The following CAMK1D variants were observed in gnomAD, a reference collection of about 807,000 sequenced individuals.
CAMK1D encodes calcium/calmodulin dependent protein kinase ID.
A neutral mutation model predicts 47.7 loss-of-function variants in CAMK1D; 9 were observed. The observed-to-expected ratio is 0.19, with a 90% confidence interval of 0.11 to 0.33. CAMK1D has a LOEUF of 0.33. Among genes scored for constraint, CAMK1D ranks in the 10% least tolerant of loss-of-function variants. The pLI is 1.00. For missense variants in CAMK1D, 291 were observed against 488.7 expected, an observed-to-expected ratio of 0.60 and a Z score of 3.81; for synonymous variants, 184 against 184.9, an observed-to-expected ratio of 0.99 and a Z score of 0.04.
At chr10:12,813,943 ATTT>A (rs113993296) in intron 6 of CAMK1D, among the ~76,000 whole-genome samples, 1 of 125,472 alleles carries the variant, frequency 8.0e-6, no homozygotes, top group Admixed American at 8.0e-5. Context: ...ATGTCAGCTG[ATTT>A]TTTTTTTTTT....
At chr10:12,624,663 C>G (rs149784499) in intron 2 of CAMK1D, among the ~76,000 whole-genome samples, 10 of 152,318 alleles carry the variant, frequency 6.6e-5, no homozygotes, top group African/African-American at 2.4e-4. Flanking sequence ...TGTTACACCT[C>G]TTGGCTACTG....
Position 12,815,710 on chromosome 10 carries a change from C to T in CAMK1D, c.755-540C>T, listed in dbSNP as rs561076924. ...GGCTGCCAACTACTCCCCCACTTCC[C>T]CCAGCAGGGCACAGCTCACTGCATT... On this transcript the variant is annotated intron_variant, in intron 7 of 10. Coordinates refer to ENST00000619168, the MANE Select transcript of CAMK1D (RefSeq NM_153498.4). 8.5e-5 allele frequency among the ~76,000 whole-genome samples: 13 copies of T among 152,372 alleles called. No homozygotes were observed. The East Asian group carries it at 2.5e-3, about 29-fold the overall frequency.
chr10:12,586,946 T>A (rs1837836439), intron 2 of CAMK1D, among the ~76,000 whole-genome samples: 1 of 152,172 alleles, frequency 6.6e-6, no homozygotes, highest in Non-Finnish European at 1.5e-5. Context: ...TTGCTTCTCC[T>A]GCTGATAAGG....
At chr10:12,716,337 T>C (rs932542106) in intron 3 of CAMK1D, among the ~76,000 whole-genome samples, 3 of 152,088 alleles carry the variant, frequency 2.0e-5, no homozygotes, top group Non-Finnish European at 2.9e-5. Context: ...CTCCAAACAT[T>C]GTCATATGTC....
chr10:12,368,053 G>A (rs999008907), intron 1 of CAMK1D, among the ~76,000 whole-genome samples: 1 of 152,232 alleles, frequency 6.6e-6, no homozygotes, highest in African/African-American at 2.4e-5. Context: ...TTAGCCGGGC[G>A]CGGTGGCGGG....
At chr10:12,583,150 A>G (rs1276246461) in intron 2 of CAMK1D, among the ~76,000 whole-genome samples, 1 of 152,138 alleles carries the variant, frequency 6.6e-6, no homozygotes, top group Non-Finnish European at 1.5e-5. Flanking sequence ...AAGATTATCT[A>G]GTATTGGAAT....
intron 2 of CAMK1D, among the ~76,000 whole-genome samples, chr10:12,587,679 C>T (rs920350818): frequency 6.6e-6 from 1 of 152,110 alleles, no homozygotes; most frequent in South Asian, 2.1e-4. Context: ...GATGGAGTGG[C>T]TCATGCAGGC....
chr10:12,657,229 A>T (rs964281078), intron 2 of CAMK1D, among the ~76,000 whole-genome samples: 2 of 152,156 alleles, frequency 1.3e-5, no homozygotes, highest in Admixed American at 6.5e-5. Flanking sequence ...GATCGAGACC[A>T]TCCTGGCCAA....
chr10:12,389,409 A>G (rs1048239803), intron 1 of CAMK1D, among the ~76,000 whole-genome samples: 1 of 152,162 alleles, frequency 6.6e-6, no homozygotes, highest in East Asian at 1.9e-4. Flanking sequence ...AGGTGTCTTC[A>G]GGCTTCAAGG....
At chr10:12,696,427 C>T (rs997080529) in intron 3 of CAMK1D, among the ~76,000 whole-genome samples, 3 of 152,098 alleles carry the variant, frequency 2.0e-5, no homozygotes, top group Non-Finnish European at 4.4e-5. Flanking sequence ...ATCCCAGCTA[C>T]TCAGGAGCCT....
At chr10:12,387,354 T>A (rs1346814833) in intron 1 of CAMK1D, among the ~76,000 whole-genome samples, 8 of 111,384 alleles carry the variant, frequency 7.2e-5, no homozygotes, top group South Asian at 2.9e-4. Flanking sequence ...ATATTATATT[T>A]TATATATATA....
At chr10:12,796,110 A>G (rs569444415) in intron 6 of CAMK1D, among the ~76,000 whole-genome samples, 1 of 152,288 alleles carries the variant, frequency 6.6e-6, no homozygotes, top group South Asian at 2.1e-4. Flanking sequence ...TTTTTAAATG[A>G]TTATTTAACG....
intron 2 of CAMK1D, among the ~76,000 whole-genome samples, chr10:12,571,886 T>G (rs181017020): frequency 1.1e-3 from 154 of 145,914 alleles, no homozygotes; most frequent in Admixed American, 2.5e-3. Context: ...CAACAGGTAT[T>G]CCCTTCCCTC....
chr10:12,643,053 G>C (rs978717452), intron 2 of CAMK1D, among the ~76,000 whole-genome samples: 2 of 152,134 alleles, frequency 1.3e-5, no homozygotes, highest in Non-Finnish European at 2.9e-5. Context: ...CTGGGCTGGA[G>C]TGCAGTGGCG....
At chr10:12,376,412 T>C (rs763718057) in intron 1 of CAMK1D, among the ~76,000 whole-genome samples, 6 of 152,164 alleles carry the variant, frequency 3.9e-5, no homozygotes, top group African/African-American at 7.2e-5. Context: ...AAGGCTGTGC[T>C]GACCGAGATG....
intron 3 of CAMK1D, among the ~76,000 whole-genome samples, chr10:12,670,152 C>T (rs1257776895): frequency 2.6e-5 from 3 of 113,496 alleles, no homozygotes; most frequent in African/African-American, 3.4e-5. Flanking sequence ...TTTTGGCCAG[C>T]GGTATGTGTC....
rs373486934 is a variant in CAMK1D, at chr10:12,749,562, G to T, written c.300-11386G>T. On this transcript the variant is annotated intron_variant, in intron 3 of 10. Transcript: ENST00000619168. ...TTGTTTGTTTGTTTTTTGTTTGTTT[G>T]TTTGTTTGTTTGTTTTGATGAAGTC... Among the ~76,000 whole-genome samples the T allele has an allele frequency of 1.4e-3, 148 of 108,690 alleles. 1 individual carries two copies. The highest frequency in any genetic ancestry group is 7.4e-3 in the East Asian group (20 of 2,718). The allele number at this position is 108,690 out of a possible 152,430, so 71.3% of individuals were successfully genotyped here.
intron 2 of CAMK1D, among the ~76,000 whole-genome samples, chr10:12,606,597 C>T (rs571236359): frequency 1.1e-4 from 16 of 152,122 alleles, no homozygotes; most frequent in Non-Finnish European, 1.5e-4. Context: ...TTGCCCCATG[C>T]CTAGAACCAG....
chr10:12,695,232 A>C (rs1833236360), intron 3 of CAMK1D, among the ~76,000 whole-genome samples: 2 of 152,326 alleles, frequency 1.3e-5, no homozygotes, highest in Admixed American at 1.3e-4. Flanking sequence ...CATGGGATGG[A>C]AGGACAGACG....
Sources: allele counts gnomAD v4.1 joint callset (sites outside exome capture counted in the v4.1 genomes callset), GRCh38; gene constraint gnomAD v4.1.1; transcripts MANE v1.5; gene names NCBI Gene and HGNC (gene_info 2026-07-23, HGNC 2026-07-21).